The following AXIN2 variants were observed in gnomAD, a reference collection of about 807,000 sequenced individuals.
AXIN2 encodes the protein axin 2, also known as axin-2.
A neutral mutation model predicts 74.7 loss-of-function variants in AXIN2; 21 were observed. The ratio of observed to expected loss-of-function variants is 0.28; its 90% CI spans 0.20 to 0.40. The LOEUF is 0.40. Among genes scored for constraint, AXIN2 ranks in the 10% least tolerant of loss-of-function variants. The pLI, the probability that AXIN2 is intolerant of heterozygous loss-of-function variation, is 1.00. For synonymous variants in AXIN2, 532 were observed against 454.9 expected, an observed-to-expected ratio of 1.17 and a Z score of -2.16; for missense variants, 1,144 against 1,111.1, an observed-to-expected ratio of 1.03 and a Z score of -0.42.
At chr17:65,550,008 G>A (rs1475247387) in intron 2 of AXIN2, among the ~76,000 whole-genome samples, 1 of 152,184 alleles carries the variant, frequency 6.6e-6, no homozygotes, top group Non-Finnish European at 1.5e-5. Flanking sequence ...AATAGAAGAG[G>A]GGAACGAGTC....
rs762279806 is a variant in AXIN2, at chr17:65,537,689, G to A, written c.1347C>T (p.Thr449=). ...CTACGCCTGGAGACTGGCAGCCAGG[G>A]GTCTTGAGGACCCTGGACAGGTGAT... ...LDDHLSRVLK[T]PGCQSPGVGR... Residue 449 remains threonine (T), a synonymous_variant, in exon 6 of 11, where the codon ACC becomes ACT. Transcript: ENST00000307078. 4.5e-6 allele frequency: 7 copies of A among 1,557,104 alleles called. No homozygotes were observed. Among genetic ancestry groups the A allele is most frequent in the South Asian group, 2.3e-5 (2 of 85,650 alleles).
chr17:65,557,506 C>T (rs2044284242), intron 2 of AXIN2, among the ~76,000 whole-genome samples: 1 of 150,618 alleles, frequency 6.6e-6, no homozygotes, highest in African/African-American at 2.4e-5. Context: ...AAGCTGCTGT[C>T]CTCTCTCTCT....
Position 65,558,682 on chromosome 17 carries a change from C to T in AXIN2, c.-62G>A. 2 of 1,518,696 alleles carry T rather than the reference C, an allele frequency of 1.3e-6. No homozygotes were observed. Among genetic ancestry groups the T allele is most frequent in the South Asian group, 1.2e-5 (1 of 85,404 alleles). 94.1% of individuals were successfully genotyped at this position (1,518,696 alleles called of 1,614,324 possible). ...TCTTCTTCCAGTTCCTCTCAGCAAT[C>T]GGCGTGGTCTCTCTGTCTCTCTCAA... is the stretch of plus-strand genomic sequence containing the variant. On this transcript the variant is annotated 5_prime_UTR_variant, in exon 2 of 11. Transcript: ENST00000307078.
At position 65,538,290 on chromosome 17, in the gene AXIN2, T is replaced by A; in HGVS notation, c.1113A>T (p.Ala371=). The stretch of plus-strand genomic sequence containing the variant: ...TTTCCAGCCTCGAGATCAGCTCAGC[T>A]GCAAAGGTGGCGGGTTCCACGGGGG... ...EMTPVEPATF[A]AELISRLEKL... Residue 371 remains alanine (A), a synonymous_variant, in exon 5 of 11, where the codon GCA becomes GCT. Coordinates refer to ENST00000307078, the MANE Select transcript of AXIN2 (RefSeq NM_004655.4). The A allele has an allele frequency of 6.2e-7, 1 of 1,614,174 alleles. No individual in the cohort carries two copies. The highest frequency in any genetic ancestry group is 8.5e-7 in the Non-Finnish European group (1 of 1,180,032).
rs1358677907 is a variant in AXIN2 at position 65,556,101 on chromosome 17, G to A, written c.815+1705C>T. 2.0e-5 allele frequency among the ~76,000 whole-genome samples: 3 copies of A among 152,130 alleles called. No individual in the cohort carries two copies. The East Asian group carries it at 5.8e-4, about 29-fold the overall frequency. On this transcript the variant is annotated intron_variant, in intron 2 of 10. Coordinates refer to ENST00000307078, the MANE Select transcript of AXIN2 (RefSeq NM_004655.4). ...TGCATCCTGGTAATATCCCAGATGA[G>A]GCAAGCCCAGGCTGAGTCGCAACTG...
rs1343964499 is a variant in AXIN2 at position 65,558,556 on chromosome 17, G to A, written c.65C>T (p.Pro22Leu). 2 of 1,613,024 alleles carry A rather than the reference G, an allele frequency of 1.2e-6. No homozygotes were observed. The highest frequency in any genetic ancestry group is 2.2e-5 in the East Asian group (1 of 44,880). ...DPSSSFREDAPRPPVPGEEGE... is the reference protein window; with the variant it reads ...DPSSSFREDALRPPVPGEEGE... ...TTCTTCCCCTGGCACTGGGGGCCGC[G>A]GGGCATCCTCACGGAAGCTGCTGCT... The change falls in exon 2 of 11, where the codon CCG becomes CTG. Residue 22 changes from proline to leucine, a missense_variant. Physicochemically the swap from Pro to Leu is moderately conservative, Grantham distance 98. This residue lies in a region of AXIN2 where 3 missense variants were observed against 21.1 expected (regional missense o/e 0.14). Transcript: ENST00000307078.
At chr17:65,560,830 AT>A (rs1161387469) in intron 1 of AXIN2, 3 of 148,890 alleles carry the variant, frequency 2.0e-5, no homozygotes, top group Non-Finnish European at 4.5e-5. Flanking sequence ...CTCACCATTG[AT>A]CCCCGCGCGC....
In AXIN2 at chr17:65,561,516, G is replaced by A. The variant is rs1305932418; in HGVS notation, c.-183C>T. The A allele has an allele frequency of 6.6e-6, 1 of 150,624 alleles. No individual in the cohort carries two copies. Among genetic ancestry groups the A allele is most frequent in the African/African-American group, 2.4e-5 (1 of 41,304 alleles). 9.3% of individuals were successfully genotyped at this position (150,624 alleles called of 1,614,324 possible). A position where few individuals can be genotyped will look rare whatever the true frequency, so the allele number is the denominator to read the frequency against. On this transcript the variant is annotated 5_prime_UTR_variant, in exon 1 of 11. Transcript: ENST00000307078. ...CGGCCCCGAAATCCATCGCTCTGAG[G>A]GGTTATTTTTATTTCCCGGCTCTCG...
chr17:65,535,344 G>A (rs2043890722), intron 9 of AXIN2, among the ~76,000 whole-genome samples: 1 of 152,158 alleles, frequency 6.6e-6, no homozygotes, highest in Non-Finnish European at 1.5e-5. Flanking sequence ...TTGAATGGGG[G>A]CAACTTTTCC....
Position 65,557,931 on chromosome 17 carries a change from T to C in AXIN2, c.690A>G (p.Glu230=). 6.2e-7 allele frequency: 1 copy of C among 1,614,176 alleles called. No individual in the cohort carries two copies. Among genetic ancestry groups the C allele is most frequent in the South Asian group, 1.1e-5 (1 of 91,084 alleles). The change falls in exon 2 of 11, where the codon GAA becomes GAG. Residue 230 remains glutamate (E), a synonymous_variant. Transcript: ENST00000307078. The stretch of plus-strand genomic sequence containing the variant: ...AGTCGGCACAAGTCCACTCCTCTTC[T>C]TCATTCAAGGTGGGGAGATAGCCAC... ...VVCGYLPTLN[E]EEEWTCADFK...
chr17:65,530,253 G>A (rs1598090233), intron 10 of AXIN2, 151 bp from the exon 11 acceptor site: 1 of 1,095,784 alleles, frequency 9.1e-7, no homozygotes, highest in Non-Finnish European at 1.3e-6. Flanking sequence ...CTTTAAGACG[G>A]CAGCTGGGAC....
intron 1 of AXIN2, chr17:65,561,053 C>T (rs1218592405): frequency 6.7e-6 from 1 of 149,210 alleles, no homozygotes; most frequent in Non-Finnish European, 1.5e-5. Context: ...CGCCCCGCCG[C>T]CCCTTTTATG....
intron 8 of AXIN2, among the ~76,000 whole-genome samples, chr17:65,535,924 T>A (rs995744806): frequency 1.3e-5 from 2 of 152,146 alleles, no homozygotes; most frequent in Non-Finnish European, 2.9e-5. Flanking sequence ...TAAGCCCCCC[T>A]GGGAGCCCAG....
chr17:65,541,625 T>G, intron 3 of AXIN2, 68 bp from the exon 4 acceptor site: 1 of 1,287,308 alleles, frequency 7.8e-7, no homozygotes. Flanking sequence ...CATGGGCTAC[T>G]GTCATATGCC....
intron 10 of AXIN2, among the ~76,000 whole-genome samples, chr17:65,532,746 C>CA (rs558176504): frequency 2.0e-5 from 3 of 152,268 alleles, no homozygotes; most frequent in Non-Finnish European, 4.4e-5. Flanking sequence ...AAGTGCTATT[C>CA]AGAGTTTTCC....
At chr17:65,544,732 C>T (rs933206355) in intron 3 of AXIN2, among the ~76,000 whole-genome samples, 2 of 152,282 alleles carry the variant, frequency 1.3e-5, no homozygotes, top group African/African-American at 4.8e-5. Flanking sequence ...TGCTGCCGGG[C>T]CCAGCTGTTT....
At chr17:65,551,482 C>A (rs915584637) in intron 2 of AXIN2, among the ~76,000 whole-genome samples, 1 of 152,034 alleles carries the variant, frequency 6.6e-6, no homozygotes, top group Non-Finnish European at 1.5e-5. Context: ...GCCAGGGGAC[C>A]GGCAGGGAGA....
intron 3 of AXIN2, among the ~76,000 whole-genome samples, chr17:65,542,147 A>T (rs558913634): frequency 6.6e-6 from 1 of 152,306 alleles, no homozygotes; most frequent in Non-Finnish European, 1.5e-5. Flanking sequence ...AATATATAAC[A>T]TTTAGGCCCC....
At chr17:65,533,802 C>G (rs1353410853) in intron 10 of AXIN2, 110 bp downstream of exon 10, 3 of 1,027,924 alleles carry the variant, frequency 2.9e-6, no homozygotes, top group South Asian at 1.4e-5. Flanking sequence ...GCTGAGCCCC[C>G]TCCCACCCTG....
Sources: allele counts gnomAD v4.1 joint callset (sites outside exome capture counted in the v4.1 genomes callset), GRCh38; gene constraint gnomAD v4.1.1; regional missense constraint gnomAD v4.1.1; transcripts MANE v1.5; gene names NCBI Gene and HGNC (gene_info 2026-07-23, HGNC 2026-07-21).